Variants in AOPEP observed in about 807,000 individuals in gnomAD.
The protein encoded by AOPEP is aminopeptidase O (putative).
AOPEP carries 77 observed loss-of-function variants against 98.1 expected under a neutral mutation model. That is an observed-to-expected ratio of 0.78 (90% confidence interval 0.65 to 0.95). AOPEP has a LOEUF of 0.95. Ranked by LOEUF, AOPEP falls within the 40% of genes least tolerant of loss-of-function variation. The pLI, the probability that AOPEP is intolerant of heterozygous loss-of-function variation, is 0.00. For synonymous variants in AOPEP, 346 were observed against 365.3 expected (o/e 0.95, Z 0.60); for missense variants, 1,024 against 1,024.7 (o/e 1.00, Z 0.01).
chr9:94,851,798 T>G (rs943566594), intron 5 of AOPEP, among the ~76,000 whole-genome samples: 1 of 149,578 alleles, frequency 6.7e-6, no homozygotes, highest in African/African-American at 2.5e-5. Context: ...CCTAGAATAC[T>G]GCTTCTCAAT....
At chr9:94,906,476 TAATAATA>T (rs1470265403) in intron 5 of AOPEP, among the ~76,000 whole-genome samples, 1 of 127,296 alleles carries the variant, frequency 7.9e-6, no homozygotes, top group Non-Finnish European at 1.9e-5. Flanking sequence ...ATAATAATAA[TAATAATA>T]AAAAAACAGA....
At chr9:94,926,075 G>C (rs2054275212) in intron 6 of AOPEP, among the ~76,000 whole-genome samples, 2 of 152,190 alleles carry the variant, frequency 1.3e-5, no homozygotes, top group South Asian at 4.1e-4. Flanking sequence ...GAGACTCTCA[G>C]ATTCGCGCTG....
At chr9:95,022,383 G>C (rs1035696167) in intron 13 of AOPEP, 1 of 152,202 alleles carries the variant, frequency 6.6e-6, no homozygotes, top group Non-Finnish European at 1.5e-5. Context: ...CTGTCGCCAG[G>C]CTGGAGTGCA....
At chr9:94,926,766 C>T (rs1191334943) in intron 6 of AOPEP, among the ~76,000 whole-genome samples, 3 of 149,392 alleles carry the variant, frequency 2.0e-5, no homozygotes, top group African/African-American at 7.5e-5. Flanking sequence ...AGACTGTGCT[C>T]TGCAGCACTG....
chr9:95,096,417 A>C, the AOPEP span, among the ~76,000 whole-genome samples: 2 of 151,054 alleles, frequency 1.3e-5, no homozygotes, highest in Admixed American at 1.3e-4. Context: ...GCCATCGGCA[A>C]CATGGGGAGC....
the AOPEP span, among the ~76,000 whole-genome samples, chr9:95,144,423 C>A: frequency 1.1e-4 from 17 of 152,202 alleles, no homozygotes; most frequent in Non-Finnish European, 2.2e-4. Context: ...AGCAAAATTA[C>A]AAGCAAGGGA....
In AOPEP at chr9:94,760,716, A is replaced by G; in HGVS notation, c.797+136A>G. ...ATTACCCAAGTAGCCTCAAATCCTTAGACCTACAGTGAAGCAGGTAAATTC... is the reference window on the plus strand; with the variant it reads ...ATTACCCAAGTAGCCTCAAATCCTTGGACCTACAGTGAAGCAGGTAAATTC... On this transcript the variant is annotated intron_variant, in intron 2 of 16. Transcript: ENST00000375315. 7 of 640,694 alleles carry G rather than the reference A, an allele frequency of 1.1e-5. No homozygotes were observed. In the East Asian group the frequency reaches 2.0e-4, roughly 19 times the overall value. The allele number at this position is 640,694 out of a possible 1,614,324, so 39.7% of individuals were successfully genotyped here. A position where few individuals can be genotyped will look rare whatever the true frequency, so the allele number is the denominator to read the frequency against.
Position 94,760,529 on chromosome 9 carries a change from A to G in AOPEP, c.746A>G (p.Lys249Arg). ...DFPHAIRIWY[K>R]TKPEGRSVTW... ...CCTCATGCTATCAGGATATGGTACA[A>G]AACTAAACCTGAAGGGCGATCGGTT... The change falls in exon 2 of 17, where the codon AAA (lysine) becomes AGA (arginine). Residue 249 changes from lysine (K) to arginine (R), a missense_variant. By Grantham distance (26) the Lys-to-Arg change is conservative (BLOSUM62 2). Transcript: ENST00000375315. The G allele has an allele frequency of 1.9e-6, 3 of 1,582,692 alleles. No individual in the cohort carries two copies. The highest frequency in any genetic ancestry group is 2.6e-6 in the Non-Finnish European group (3 of 1,168,214).
At chr9:95,014,809 C>T (rs1236013157) in intron 13 of AOPEP, among the ~76,000 whole-genome samples, 1 of 152,152 alleles carries the variant, frequency 6.6e-6, no homozygotes, top group Admixed American at 6.5e-5. Context: ...TAGAGAAACA[C>T]TGGAAAAAAT....
At chr9:95,113,548 C>A in the AOPEP span, among the ~76,000 whole-genome samples, 4 of 151,666 alleles carry the variant, frequency 2.6e-5, no homozygotes, top group Admixed American at 2.0e-4. Flanking sequence ...AATCCCAGCA[C>A]GACGGGAGGC....
intron 5 of AOPEP, among the ~76,000 whole-genome samples, chr9:94,884,520 A>C (rs2047955436): frequency 6.6e-6 from 1 of 152,222 alleles, no homozygotes; most frequent in Non-Finnish European, 1.5e-5. Context: ...GCTGTACAGC[A>C]CAGTGCACAG....
intron 6 of AOPEP, among the ~76,000 whole-genome samples, chr9:94,924,575 G>A (rs971714789): frequency 6.6e-6 from 1 of 152,202 alleles, no homozygotes; most frequent in African/African-American, 2.4e-5. Context: ...ACTTGTGTGT[G>A]TGCAGTGTAT....
At chr9:94,907,166 T>C (rs1046239983) in intron 5 of AOPEP, among the ~76,000 whole-genome samples, 2 of 152,176 alleles carry the variant, frequency 1.3e-5, no homozygotes, top group African/African-American at 2.4e-5. Flanking sequence ...ATAAGGACAT[T>C]ACTAATTTCC....
intron 1 of AOPEP, among the ~76,000 whole-genome samples, chr9:94,728,672 G>T (rs1829835456): frequency 6.6e-6 from 1 of 152,188 alleles, no homozygotes; most frequent in Admixed American, 6.5e-5. Context: ...AGATGCTGAG[G>T]TCAAGGATTT....
chr9:94,875,746 T>G (rs1303680417), intron 5 of AOPEP, among the ~76,000 whole-genome samples: 1 of 152,236 alleles, frequency 6.6e-6, no homozygotes, highest in Non-Finnish European at 1.5e-5. Context: ...TTCCACCTGT[T>G]TGGTCGGCCT....
intron 5 of AOPEP, among the ~76,000 whole-genome samples, chr9:94,866,218 A>G (rs972863460): frequency 6.6e-6 from 1 of 152,204 alleles, no homozygotes. Context: ...AAGTTTCTGA[A>G]ATCAGTGTAT....
intron 3 of AOPEP, among the ~76,000 whole-genome samples, chr9:94,787,019 A>G (rs1223256241): frequency 6.6e-6 from 1 of 152,232 alleles, no homozygotes. Flanking sequence ...TGCGCGCTGT[A>G]TAGGAGGAAA....
intron 5 of AOPEP, among the ~76,000 whole-genome samples, chr9:94,911,674 T>A (rs1412923790): frequency 6.6e-6 from 1 of 152,216 alleles, no homozygotes; most frequent in Non-Finnish European, 1.5e-5. Context: ...CAAGAGATTT[T>A]AAATATATAA....
chr9:94,756,343 C>T (rs1433287566), intron 1 of AOPEP, among the ~76,000 whole-genome samples: 5 of 151,652 alleles, frequency 3.3e-5, no homozygotes, highest in African/African-American at 7.3e-5. Context: ...GTGGGCAGAT[C>T]GCCTGAGCTG....
Sources: allele counts gnomAD v4.1 joint callset (sites outside exome capture counted in the v4.1 genomes callset), GRCh38; gene constraint gnomAD v4.1.1; transcripts MANE v1.5; gene names NCBI Gene and HGNC (gene_info 2026-07-23, HGNC 2026-07-21).